The following NBEA variants were observed in gnomAD, a reference collection of about 807,000 sequenced individuals.
NBEA encodes lysosomal-trafficking regulator 2.
A neutral mutation model predicts 343.4 loss-of-function variants in NBEA; 44 were observed. The ratio of observed to expected loss-of-function variants is 0.13; its 90% CI spans 0.10 to 0.16. The LOEUF is 0.16. Ranked by LOEUF, NBEA falls within the 10% of genes least tolerant of loss-of-function variation. The probability of loss-of-function intolerance (pLI) is 1.00; values close to 1 mark genes in which losing one functional copy is unlikely to be tolerated. For synonymous variants in NBEA, 1,175 were observed against 1,238.7 expected, an observed-to-expected ratio of 0.95 and a Z score of 1.08; for missense variants, 2,555 against 3,631.3, an observed-to-expected ratio of 0.70 and a Z score of 7.62.
chr13:35,430,006 A>G (rs1250123093), intron 38 of NBEA, among the ~76,000 whole-genome samples: 1 of 152,108 alleles, frequency 6.6e-6, no homozygotes, highest in East Asian at 1.9e-4. Flanking sequence ...ATCAAATGGT[A>G]GCTCTACTTT....
intron 36 of NBEA, among the ~76,000 whole-genome samples, chr13:35,342,557 G>T (rs1191323735): frequency 2.6e-5 from 4 of 151,870 alleles, no homozygotes; most frequent in Admixed American, 2.6e-4. Flanking sequence ...GTAAATTTGT[G>T]TACATCTACG....
chr13:35,116,970 A>G (rs1191314591), intron 13 of NBEA, among the ~76,000 whole-genome samples: 2 of 152,040 alleles, frequency 1.3e-5, no homozygotes, highest in African/African-American at 4.8e-5. Flanking sequence ...AAATAATTGC[A>G]ATAAAACAGA....
At position 35,602,239 on chromosome 13, in the gene NBEA, T is replaced by C. The variant is rs541221652; in HGVS notation, c.7297-4187T>C. Among the ~76,000 whole-genome samples, 11 of 152,334 alleles carry C rather than the reference T, an allele frequency of 7.2e-5. No individual in the cohort carries two copies. The South Asian group carries it at 2.1e-3, about 29-fold the overall frequency. ...TTGAAACAACAAATCTTTTCAATAA[T>C]GGAATTGTGAATATAAATTATACTA... On this transcript the variant is annotated intron_variant, in intron 47 of 58. Transcript: ENST00000379939.
At chr13:35,467,541 T>G (rs1327768391) in intron 40 of NBEA, among the ~76,000 whole-genome samples, 1 of 152,196 alleles carries the variant, frequency 6.6e-6, no homozygotes, top group Non-Finnish European at 1.5e-5. Context: ...CTATGAATTA[T>G]TTCCCTACAA....
At chr13:35,292,206 T>C (rs1364252317) in intron 35 of NBEA, among the ~76,000 whole-genome samples, 1 of 151,986 alleles carries the variant, frequency 6.6e-6, no homozygotes, top group Non-Finnish European at 1.5e-5. Context: ...TTGTAGATCA[T>C]TAATTGCTCC....
chr13:35,103,444 A>C (rs374249682), intron 11 of NBEA, among the ~76,000 whole-genome samples: 2 of 148,380 alleles, frequency 1.3e-5, no homozygotes, highest in East Asian at 4.0e-4. Context: ...ATTCTCTCTC[A>C]TTAGTTCTGC....
At chr13:35,657,356 G>A (rs1045517866) in intron 55 of NBEA, among the ~76,000 whole-genome samples, 1 of 152,194 alleles carries the variant, frequency 6.6e-6, no homozygotes, top group South Asian at 2.1e-4. Context: ...ATCTTTATTT[G>A]AGGGAAAAGA....
At chr13:34,987,685 G>A (rs1188131861) in intron 1 of NBEA, among the ~76,000 whole-genome samples, 3 of 150,952 alleles carry the variant, frequency 2.0e-5, no homozygotes, top group Non-Finnish European at 4.5e-5. Flanking sequence ...TGGAGGCTTT[G>A]TTCATTTATT....
intron 38 of NBEA, among the ~76,000 whole-genome samples, chr13:35,412,477 C>G (rs545740247): frequency 6.6e-6 from 1 of 152,058 alleles, no homozygotes; most frequent in Non-Finnish European, 1.5e-5. Flanking sequence ...TTCAATTTGG[C>G]AAAAATTTTA....
At chr13:34,999,387 C>T (rs1593415601) in intron 1 of NBEA, among the ~76,000 whole-genome samples, 1 of 152,240 alleles carries the variant, frequency 6.6e-6, no homozygotes, top group East Asian at 1.9e-4. Context: ...TCCCCCAATA[C>T]TCTCTTTACC....
At chr13:35,244,453 A>G (rs2030865651) in intron 34 of NBEA, among the ~76,000 whole-genome samples, 1 of 151,836 alleles carries the variant, frequency 6.6e-6, no homozygotes, top group African/African-American at 2.4e-5. Context: ...TGGGTTCTCT[A>G]TTCTGTTCCA....
intron 2 of NBEA, among the ~76,000 whole-genome samples, chr13:35,041,429 C>G (rs2062645028): frequency 6.6e-6 from 1 of 151,900 alleles, no homozygotes; most frequent in Non-Finnish European, 1.5e-5. Context: ...GCTATGAAAT[C>G]TATCAGAAAA....
At chr13:35,435,624 A>T (rs2045389587) in intron 39 of NBEA, among the ~76,000 whole-genome samples, 1 of 152,138 alleles carries the variant, frequency 6.6e-6, no homozygotes, top group Non-Finnish European at 1.5e-5. Context: ...TTTGTACTAT[A>T]TTTGAAATGT....
chr13:34,964,171 A>G (rs1330619379), intron 1 of NBEA, among the ~76,000 whole-genome samples: 1 of 152,026 alleles, frequency 6.6e-6, no homozygotes, highest in African/African-American at 2.4e-5. Flanking sequence ...TGAAATTAAG[A>G]TATGGAAATA....
At chr13:35,532,807 G>A (rs1270099463) in intron 41 of NBEA, among the ~76,000 whole-genome samples, 7 of 152,104 alleles carry the variant, frequency 4.6e-5, no homozygotes, top group African/African-American at 1.7e-4. Context: ...GCTGATAATG[G>A]TACAGTGGTT....
At chr13:35,414,356 A>G (rs2043770494) in intron 38 of NBEA, among the ~76,000 whole-genome samples, 2 of 151,928 alleles carry the variant, frequency 1.3e-5, no homozygotes, top group Non-Finnish European at 2.9e-5. Context: ...CATTAGGTAT[A>G]TCTCCTAATG....
chr13:35,198,945 A>G (rs1395284324), intron 31 of NBEA, among the ~76,000 whole-genome samples: 2 of 152,098 alleles, frequency 1.3e-5, no homozygotes, highest in African/African-American at 4.8e-5. Context: ...TAGGCCCTGC[A>G]TACAACTTAG....
At chr13:34,965,269 A>G (rs895485256) in intron 1 of NBEA, among the ~76,000 whole-genome samples, 2 of 152,048 alleles carry the variant, frequency 1.3e-5, no homozygotes, top group African/African-American at 4.8e-5. Flanking sequence ...AAGAGAGACT[A>G]ATGTGTAAAT....
intron 49 of NBEA, among the ~76,000 whole-genome samples, chr13:35,629,451 AGGAAG>A (rs2083363447): frequency 6.6e-6 from 1 of 152,230 alleles, no homozygotes; most frequent in South Asian, 2.1e-4. Flanking sequence ...GAAGAGGAAA[AGGAAG>A]GGAAGAGCCT....
Sources: gnomAD v4.1 joint callset for allele counts (sites outside exome capture counted in the v4.1 genomes callset) on GRCh38, gnomAD v4.1.1 for gene constraint, MANE v1.5 for transcripts, NCBI Gene and HGNC (gene_info 2026-07-23, HGNC 2026-07-21) for gene names.